Variants in NTAN1 observed in about 807,000 individuals in gnomAD.
The protein encoded by NTAN1 is protein N-terminal asparagine amidohydrolase.
NTAN1 carries 32 observed loss-of-function variants against 41.9 expected under a neutral mutation model. The ratio of observed to expected loss-of-function variants is 0.76; its 90% CI spans 0.58 to 1.03. The LOEUF (loss-of-function observed/expected upper bound fraction) is 1.03, where lower values mean the gene tolerates loss of function less well. Ranked by LOEUF, NTAN1 falls within the 50% of genes least tolerant of loss-of-function variation. The probability of loss-of-function intolerance (pLI) is 0.00; values close to 1 mark genes in which losing one functional copy is unlikely to be tolerated. For synonymous variants in NTAN1, 140 were observed against 139.5 expected (o/e 1.00, Z -0.03); for missense variants, 377 against 377.5 (o/e 1.00, Z 0.01).
In NTAN1 at chr16:15,056,004, G is replaced by A. The variant is rs1384114630; in HGVS notation, c.-33C>T. 8.6e-7 allele frequency: 1 copy of A among 1,159,538 alleles called. No individual in the cohort carries two copies. The highest frequency in any genetic ancestry group is 1.1e-6 in the Non-Finnish European group (1 of 932,460). The allele number at this position is 1,159,538 out of a possible 1,614,324, so 71.8% of individuals were successfully genotyped here. On this transcript the variant is annotated 5_prime_UTR_variant, in exon 1 of 10. Coordinates refer to ENST00000287706, the MANE Select transcript of NTAN1 (RefSeq NM_173474.4). Reference sequence around the variant, plus strand: ...GCGGCCGCCCAGGCAGGCCCAGGGAGGCGGCGGCCCCCCGCTTTGCAGCCC... The same window carrying A: ...GCGGCCGCCCAGGCAGGCCCAGGGAAGCGGCGGCCCCCCGCTTTGCAGCCC...
chr16:15,038,559 C>G lies in NTAN1; in HGVS notation c.753+15G>C. On this transcript the variant is annotated intron_variant, in intron 9 of 9. Coordinates refer to ENST00000287706, the MANE Select transcript of NTAN1 (RefSeq NM_173474.4). ...GTGCAGAGATTTAAGACTTACCCAG[C>G]CTGTAAACTCTCACCTCTAGTATTT... 1 of 1,370,402 alleles carries G rather than the reference C, an allele frequency of 7.3e-7. No homozygotes were observed. Among genetic ancestry groups the G allele is most frequent in the South Asian group, 1.2e-5 (1 of 84,788 alleles). 84.9% of individuals were successfully genotyped at this position (1,370,402 alleles called of 1,614,324 possible).
At chr16:15,050,822 A>G (rs951069149) in intron 1 of NTAN1, among the ~76,000 whole-genome samples, 23 of 152,228 alleles carry the variant, frequency 1.5e-4, no homozygotes, top group African/African-American at 5.5e-4. Flanking sequence ...TCTTCTGTTT[A>G]TAAACTTCCA....
At chr16:15,042,786 G>A (rs1320356702) in intron 5 of NTAN1, among the ~76,000 whole-genome samples, 2 of 151,582 alleles carry the variant, frequency 1.3e-5, no homozygotes, top group Non-Finnish European at 2.9e-5. Context: ...AGGCTGGAGT[G>A]CAGTGGTGTG....
chr16:15,050,060 A>G (rs2044236825), intron 1 of NTAN1, among the ~76,000 whole-genome samples: 1 of 152,196 alleles, frequency 6.6e-6, no homozygotes, highest in African/African-American at 2.4e-5. Context: ...TCAATGTTCT[A>G]TCACATAGTT....
At chr16:15,052,457 T>A (rs1231936653) in intron 1 of NTAN1, among the ~76,000 whole-genome samples, 1 of 152,200 alleles carries the variant, frequency 6.6e-6, no homozygotes, top group African/African-American at 2.4e-5. Flanking sequence ...CCCTCACCCC[T>A]GCTGTCCTGT....
intron 1 of NTAN1, among the ~76,000 whole-genome samples, chr16:15,048,599 G>A (rs1157141457): frequency 6.6e-6 from 1 of 152,014 alleles, no homozygotes; most frequent in Non-Finnish European, 1.5e-5. Flanking sequence ...CAGGAATAGT[G>A]GATGGATGGC....
chr16:15,037,949 T>G lies in NTAN1; in HGVS notation c.*82A>C, dbSNP rs1597734289. 6.2e-6 allele frequency: 6 copies of G among 970,872 alleles called. No individual in the cohort carries two copies. The East Asian group carries it at 1.2e-4, about 20-fold the overall frequency. The allele number at this position is 970,872 out of a possible 1,614,324, so 60.1% of individuals were successfully genotyped here. ...AAGGAGGCCTAAGACCCAACAGATGTAGGATCCAGATCTGGATTCGTGCCA... is the reference window on the plus strand; with the variant it reads ...AAGGAGGCCTAAGACCCAACAGATGGAGGATCCAGATCTGGATTCGTGCCA... On this transcript the variant is annotated 3_prime_UTR_variant, in exon 10 of 10. Coordinates refer to ENST00000287706, the MANE Select transcript of NTAN1 (RefSeq NM_173474.4).
At chr16:15,038,944 A>C (rs962603082) in intron 8 of NTAN1, among the ~76,000 whole-genome samples, 3 of 152,186 alleles carry the variant, frequency 2.0e-5, no homozygotes, top group Non-Finnish European at 4.4e-5. Context: ...TTTGGGGTGA[A>C]AACTTGAGGC....
intron 4 of NTAN1, chr16:15,044,653 C>T (rs1423237894): frequency 7.3e-6 from 4 of 549,542 alleles, no homozygotes; most frequent in East Asian, 3.0e-5. Flanking sequence ...AATGTGATGC[C>T]GCCTCCATGC....
At chr16:15,051,296 G>A (rs2044280838) in intron 1 of NTAN1, among the ~76,000 whole-genome samples, 1 of 152,194 alleles carries the variant, frequency 6.6e-6, no homozygotes, top group Non-Finnish European at 1.5e-5. Context: ...AGAAATAAAA[G>A]CAAAAATTAT....
At chr16:15,046,125 T>A (rs1057164871) in intron 4 of NTAN1, 5 of 152,210 alleles carry the variant, frequency 3.3e-5, no homozygotes, top group African/African-American at 1.2e-4. Flanking sequence ...GCCAAGATGA[T>A]AGGAAAATGA....
At chr16:15,050,154 TAC>T (rs1380321800) in intron 1 of NTAN1, among the ~76,000 whole-genome samples, 1 of 152,346 alleles carries the variant, frequency 6.6e-6, no homozygotes, top group African/African-American at 2.4e-5. Flanking sequence ...TGAGTGTTTG[TAC>T]ACACTTATTT....
intron 1 of NTAN1, among the ~76,000 whole-genome samples, chr16:15,054,765 G>T (rs996237012): frequency 6.6e-6 from 1 of 152,192 alleles, no homozygotes; most frequent in Non-Finnish European, 1.5e-5. Flanking sequence ...TACACTCTGA[G>T]GATACAAAAG....
At chr16:15,039,569 C>T (rs1285996552) in intron 8 of NTAN1, among the ~76,000 whole-genome samples, 1 of 152,150 alleles carries the variant, frequency 6.6e-6, no homozygotes, top group Non-Finnish European at 1.5e-5. Flanking sequence ...ATTGTTCCAG[C>T]AAATTGCTCT....
At chr16:15,055,149 T>C (rs1008429903) in intron 1 of NTAN1, among the ~76,000 whole-genome samples, 28 of 152,282 alleles carry the variant, frequency 1.8e-4, no homozygotes, top group Non-Finnish European at 3.5e-4. Context: ...ACAGGATCTA[T>C]GGCAAATAGG....
intron 1 of NTAN1, among the ~76,000 whole-genome samples, chr16:15,049,229 A>C (rs1465142294): frequency 6.6e-6 from 1 of 152,028 alleles, no homozygotes; most frequent in Non-Finnish European, 1.5e-5. Context: ...GGGCCTCCCT[A>C]TGCTGCCCAG....
At position 15,042,198 on chromosome 16, in the gene NTAN1, T is replaced by C. The variant is rs967587514; in HGVS notation, c.434-522A>G. 6.6e-5 allele frequency among the ~76,000 whole-genome samples: 10 copies of C among 150,726 alleles called. No individual in the cohort carries two copies. The East Asian group carries it at 1.5e-3, about 23-fold the overall frequency. ...ACAATTTTATATCTTTTTTTTTTTT[T>C]TTTTTGAGATGGAGTCTTGCTCTGT... On this transcript the variant is annotated intron_variant, in intron 5 of 9. Coordinates refer to ENST00000287706, the MANE Select transcript of NTAN1 (RefSeq NM_173474.4).
rs751742881 is a variant in NTAN1, at chr16:15,038,576, C to T, written c.751G>A (p.Glu251Lys). The T allele has an allele frequency of 6.6e-7, 1 of 1,518,216 alleles. No homozygotes were observed. Among genetic ancestry groups the T allele is most frequent in the South Asian group, 1.1e-5 (1 of 88,844 alleles). 94.0% of individuals were successfully genotyped at this position (1,518,216 alleles called of 1,614,324 possible). Residue 251 changes from glutamate (E) to lysine (K), a missense_variant and splice_region_variant, in exon 9 of 10, where the codon GAG becomes AAG. Coordinates refer to ENST00000287706, the MANE Select transcript of NTAN1 (RefSeq NM_173474.4). ...TTACCCAGCCTGTAAACTCTCACCT[C>T]TAGTATTTGCTTGTCATCTTGGTGC... ...WLHQDDKQIL[E>K]NLSTSPLAEP...
chr16:15,043,623 G>C (rs1010881710), intron 5 of NTAN1, among the ~76,000 whole-genome samples: 3 of 136,700 alleles, frequency 2.2e-5, no homozygotes, highest in African/African-American at 5.1e-5. Flanking sequence ...GTCAACACAC[G>C]ACAATGTTTT....
Sources: gnomAD v4.1 joint callset for allele counts (sites outside exome capture counted in the v4.1 genomes callset) on GRCh38, gnomAD v4.1.1 for gene constraint, MANE v1.5 for transcripts, NCBI Gene and HGNC (gene_info 2026-07-23, HGNC 2026-07-21) for gene names.